TRAF5: variants seen among roughly 807,000 people sequenced by gnomAD.
The protein encoded by TRAF5 is TNF receptor associated factor 5.
In TRAF5, 48 loss-of-function variants were observed where a neutral mutation model predicts 64.5. That is an observed-to-expected ratio of 0.74 (90% CI 0.59 to 0.95). The LOEUF (loss-of-function observed/expected upper bound fraction) is 0.95, where lower values mean the gene tolerates loss of function less well. TRAF5 is among the 40% of genes least tolerant of loss of function. The probability of loss-of-function intolerance (pLI) is 0.00; values close to 1 mark genes in which losing one functional copy is unlikely to be tolerated. For missense variants in TRAF5, 545 were observed against 662.8 expected, an observed-to-expected ratio of 0.82 and a Z score of 1.95; for synonymous variants, 206 against 240.5, an observed-to-expected ratio of 0.86 and a Z score of 1.33.
intron 3 of TRAF5, among the ~76,000 whole-genome samples, chr1:211,354,678 A>G (rs1214426033): frequency 6.6e-6 from 1 of 151,876 alleles, no homozygotes; most frequent in Non-Finnish European, 1.5e-5. Context: ...CCTCCACCCC[A>G]AGTCTCCTCT....
intron 7 of TRAF5, among the ~76,000 whole-genome samples, chr1:211,364,380 C>T (rs980478941): frequency 1.2e-4 from 19 of 152,136 alleles, no homozygotes; most frequent in African/African-American, 4.1e-4. Context: ...GAAGAACTAG[C>T]GTTGACTTAA....
At chr1:211,333,420 C>T (rs1702210615) in intron 1 of TRAF5, among the ~76,000 whole-genome samples, 1 of 151,830 alleles carries the variant, frequency 6.6e-6, no homozygotes, top group Non-Finnish European at 1.5e-5. Context: ...AACTCCCAAC[C>T]TCAGGCGATC....
chr1:211,362,163 C>T (rs1703207748), intron 7 of TRAF5, among the ~76,000 whole-genome samples: 1 of 151,910 alleles, frequency 6.6e-6, no homozygotes, highest in South Asian at 2.1e-4. Context: ...ATGTTATTAC[C>T]TTTTAAATAC....
intron 7 of TRAF5, among the ~76,000 whole-genome samples, chr1:211,364,202 A>T (rs1703275167): frequency 6.6e-6 from 1 of 152,224 alleles, no homozygotes; most frequent in Non-Finnish European, 1.5e-5. Flanking sequence ...TACAAAAAAA[A>T]ATATTTTAAT....
intron 1 of TRAF5, among the ~76,000 whole-genome samples, chr1:211,349,953 G>A: frequency 6.6e-6 from 1 of 151,754 alleles, no homozygotes; most frequent in East Asian, 1.9e-4. Context: ...GGAACACAAG[G>A]CAGAGCAGGG....
intron 1 of TRAF5, among the ~76,000 whole-genome samples, chr1:211,343,705 A>G (rs150888211): frequency 1.3e-5 from 2 of 152,182 alleles, no homozygotes; most frequent in African/African-American, 2.4e-5. Context: ...ACTTCTTTTA[A>G]TACCCTTCTC....
chr1:211,371,560 C>A, intron 10 of TRAF5, 90 bp downstream of exon 10: 4 of 1,294,450 alleles, frequency 3.1e-6, no homozygotes, highest in Non-Finnish European at 2.2e-6. Flanking sequence ...TAGAGAGTCA[C>A]ATCTGTCCAG....
intron 1 of TRAF5, among the ~76,000 whole-genome samples, chr1:211,344,584 T>G (rs1026044974): frequency 6.6e-6 from 1 of 152,194 alleles, no homozygotes; most frequent in Non-Finnish European, 1.5e-5. Flanking sequence ...CTCCAAGGCC[T>G]TCGTCTTTGA....
chr1:211,335,375 T>C (rs1702263887), intron 1 of TRAF5, among the ~76,000 whole-genome samples: 1 of 152,178 alleles, frequency 6.6e-6, no homozygotes, highest in South Asian at 2.1e-4. Context: ...CTGCAGTATC[T>C]AGAACATTAT....
intron 1 of TRAF5, among the ~76,000 whole-genome samples, chr1:211,351,376 C>G (rs570446356): frequency 6.6e-6 from 1 of 152,246 alleles, no homozygotes; most frequent in South Asian, 2.1e-4. Context: ...GAGGGCTCCA[C>G]TCTCATGACT....
At chr1:211,338,034 A>G (rs1305562180) in intron 1 of TRAF5, among the ~76,000 whole-genome samples, 1 of 152,174 alleles carries the variant, frequency 6.6e-6, no homozygotes, top group Non-Finnish European at 1.5e-5. Context: ...GAGTGCAGAT[A>G]GAAGAGAGCA....
chr1:211,343,926 G>A (rs527946838), intron 1 of TRAF5, among the ~76,000 whole-genome samples: 2 of 151,762 alleles, frequency 1.3e-5, no homozygotes, highest in African/African-American at 4.9e-5. Flanking sequence ...GGGCTTCCTA[G>A]TGGAGAACAA....
chr1:211,344,200 A>T (rs556218240), intron 1 of TRAF5, among the ~76,000 whole-genome samples: 19 of 152,226 alleles, frequency 1.2e-4, no homozygotes, highest in African/African-American at 4.6e-4. Flanking sequence ...GGGAAGAGGG[A>T]TGCCCTTCAG....
At chr1:211,360,882 T>A in intron 6 of TRAF5, 103 bp downstream of exon 6, 4 of 1,119,124 alleles carry the variant, frequency 3.6e-6, no homozygotes, top group Non-Finnish European at 5.3e-6. Flanking sequence ...GCCCAGGGCT[T>A]AAATTACACG....
chr1:211,349,003 C>G lies in TRAF5; in HGVS notation c.-1-4236C>G, dbSNP rs377253474. 2.3e-5 allele frequency among the ~76,000 whole-genome samples: 3 copies of G among 133,052 alleles called. No homozygotes were observed. The South Asian group carries it at 7.3e-4, about 32-fold the overall frequency. 87.3% of individuals were successfully genotyped at this position (133,052 alleles called of 152,430 possible). On this transcript the variant is annotated intron_variant, in intron 1 of 10. Coordinates refer to ENST00000261464, the MANE Select transcript of TRAF5 (RefSeq NM_001033910.3). ...TTGCTTGTGGCCAGGAGTTCAAGAC[C>G]AGGCTGGGCAACATAGTGAGACTCT...
intron 1 of TRAF5, among the ~76,000 whole-genome samples, chr1:211,348,702 A>G (rs1199884030): frequency 6.6e-6 from 1 of 152,146 alleles, no homozygotes; most frequent in Admixed American, 6.6e-5. Flanking sequence ...GTAGATGTCC[A>G]GTTGTCCCAG....
At chr1:211,342,117 GCTCAGCTC>G (rs1349604212) in intron 1 of TRAF5, among the ~76,000 whole-genome samples, 1 of 152,182 alleles carries the variant, frequency 6.6e-6, no homozygotes, top group Non-Finnish European at 1.5e-5. Context: ...TGGGGCAACT[GCTCAGCTC>G]CTCTGTGGTA....
chr1:211,356,271 C>T, intron 3 of TRAF5, 96 bp from the exon 4 acceptor site: 1 of 926,458 alleles, frequency 1.1e-6, no homozygotes, highest in Middle Eastern at 2.6e-4. Context: ...TTCCACCTGC[C>T]TTCTGAGATA....
intron 1 of TRAF5, among the ~76,000 whole-genome samples, chr1:211,337,720 A>G (rs992191764): frequency 6.6e-6 from 1 of 152,174 alleles, no homozygotes; most frequent in African/African-American, 2.4e-5. Flanking sequence ...GGAAGATCCC[A>G]TGGGCTTTGG....
Sources: gnomAD v4.1 joint callset for allele counts (sites outside exome capture counted in the v4.1 genomes callset) on GRCh38, gnomAD v4.1.1 for gene constraint, MANE v1.5 for transcripts, NCBI Gene and HGNC (gene_info 2026-07-23, HGNC 2026-07-21) for gene names.